The following POLR1B variants were observed in gnomAD, a reference collection of about 807,000 sequenced individuals.
POLR1B encodes the protein RNA polymerase I subunit B.
Under a neutral mutation model 105.8 loss-of-function variants are expected in POLR1B, and 30 were observed. The observed-to-expected ratio is 0.28, with a 90% CI of 0.21 to 0.38. The LOEUF (loss-of-function observed/expected upper bound fraction) is 0.38. POLR1B is among the 10% of genes least tolerant of loss of function. The pLI is 1.00. For missense variants in POLR1B, 976 were observed against 1,435.8 expected, an observed-to-expected ratio of 0.68 and a Z score of 5.17; for synonymous variants, 485 against 505.1, an observed-to-expected ratio of 0.96 and a Z score of 0.53.
chr2:112,546,544 C>CTTGTTT (rs1683053843), intron 1 of POLR1B, among the ~76,000 whole-genome samples: 1 of 53,158 alleles, frequency 1.9e-5, no homozygotes, highest in Non-Finnish European at 3.1e-5. Context: ...CTGGAGGTAG[C>CTTGTTT]TTTTTTTTTT....
intron 7 of POLR1B, among the ~76,000 whole-genome samples, chr2:112,557,457 T>C (rs1228728759): frequency 6.6e-6 from 1 of 152,246 alleles, no homozygotes; most frequent in Non-Finnish European, 1.5e-5. Context: ...AGAGCTATCC[T>C]TTCTGCACCT....
At chr2:112,567,088 C>G (rs774273810) in intron 10 of POLR1B, among the ~76,000 whole-genome samples, 4 of 152,050 alleles carry the variant, frequency 2.6e-5, no homozygotes, top group Non-Finnish European at 5.9e-5. Flanking sequence ...AAGATCTGCT[C>G]TCTTAGTAAA....
chr2:112,556,280 G>T lies in POLR1B; in HGVS notation c.1159-1630G>T, dbSNP rs1239678264. On this transcript the variant is annotated intron_variant, in intron 7 of 14. Transcript: ENST00000263331. ...CAAACCTACATTAATACCCTTGTTG[G>T]GTGAGCTAACAGCTTCCTTCACTCC... 2.0e-5 allele frequency among the ~76,000 whole-genome samples: 3 copies of T among 152,272 alleles called. No homozygotes were observed. In the East Asian group the frequency reaches 5.8e-4, roughly 29 times the overall value.
chr2:112,562,201 TATTA>T (rs1248191154), intron 9 of POLR1B, among the ~76,000 whole-genome samples: 1 of 152,182 alleles, frequency 6.6e-6, no homozygotes, highest in Non-Finnish European at 1.5e-5. Flanking sequence ...GCATCCCCAG[TATTA>T]ATTTTGTGGT....
Position 112,560,865 on chromosome 2 carries a change from T to C in POLR1B, c.1612+1291T>C, listed in dbSNP as rs375548288. ...TGCGGTCAGGAGTTTAAGACCAACC[T>C]GGCCAACATGGTGAAACCCCATCTC... On this transcript the variant is annotated intron_variant, in intron 9 of 14. Transcript: ENST00000263331. 2.3e-4 allele frequency among the ~76,000 whole-genome samples: 35 copies of C among 152,272 alleles called. No homozygotes were observed. In the East Asian group the frequency reaches 6.6e-3, roughly 29 times the overall value.
At chr2:112,551,748 A>C (rs1311623642) in intron 5 of POLR1B, 27 bp from the exon 6 acceptor site, 1 of 1,553,208 alleles carries the variant, frequency 6.4e-7, no homozygotes. Flanking sequence ...ATTAGTGAGC[A>C]ATTAAACCTT....
At position 112,575,477 on chromosome 2, in the gene POLR1B, T is replaced by C; in HGVS notation, c.3156T>C (p.Phe1052=). Residue 1052 remains phenylalanine, a synonymous_variant, in exon 15 of 15, where the codon TTT becomes TTC. Transcript: ENST00000263331. The surrounding 1 kb of genome is among the most constrained non-coding windows in gnomAD (Gnocchi z 5.3). ...RDALLAHGTS[F]LLHDRLFNCS... is the part of the protein sequence containing the mutation. ...CGCTTTTAGCTCATGGTACATCTTT[T>C]CTCCTTCATGACCGCCTCTTCAACT... The C allele has an allele frequency of 6.2e-7, 1 of 1,614,142 alleles. No individual in the cohort carries two copies. Among genetic ancestry groups the C allele is most frequent in the Non-Finnish European group, 8.5e-7 (1 of 1,180,026 alleles).
rs190064524 is a variant in POLR1B, at chr2:112,561,200, T to C, written c.1612+1626T>C. On this transcript the variant is annotated intron_variant, in intron 9 of 14. Transcript: ENST00000263331. ...TCTACGAGGAAAAGAATTTTGTTAC[T>C]CGTGATTCAAAATGTCAAAGTCCAG... 5.3e-5 allele frequency among the ~76,000 whole-genome samples: 8 copies of C among 152,284 alleles called. No individual in the cohort carries two copies. In the East Asian group the frequency reaches 1.5e-3, roughly 29 times the overall value.
At position 112,572,558 on chromosome 2, in the gene POLR1B, G is replaced by T; in HGVS notation, c.2075-4G>T. 1 of 1,556,702 alleles carries T rather than the reference G, an allele frequency of 6.4e-7. No individual in the cohort carries two copies. Among genetic ancestry groups the T allele is most frequent in the South Asian group, 1.2e-5 (1 of 82,958 alleles). On this transcript the variant is annotated splice_region_variant and splice_polypyrimidine_tract_variant and intron_variant, in intron 12 of 14. Transcript: ENST00000263331. ...AAATGCTAAGATGTTTTTTCTCCAT[G>T]TAGGTAAGCAAACTATGGGCTTTCC...
intron 12 of POLR1B, 119 bp from the exon 13 acceptor site, chr2:112,572,443 T>C: frequency 1.4e-6 from 1 of 695,002 alleles, no homozygotes; most frequent in South Asian, 2.7e-5. Flanking sequence ...ATAACTACCA[T>C]GACTATTTAT....
intron 3 of POLR1B, among the ~76,000 whole-genome samples, chr2:112,548,744 C>T (rs1272870131): frequency 6.6e-6 from 1 of 152,078 alleles, no homozygotes; most frequent in Non-Finnish European, 1.5e-5. Context: ...TCCCGAGTAG[C>T]TGGGACTACA....
intron 2 of POLR1B, 33 bp from the exon 3 acceptor site, chr2:112,547,388 T>TG (rs761172413): frequency 6.2e-7 from 1 of 1,600,362 alleles, no homozygotes; most frequent in Non-Finnish European, 8.5e-7. Context: ...CAGATATTTC[T>TG]GTTAAGTAAC....
At chr2:112,543,963 T>G (rs1682903501) in intron 1 of POLR1B, among the ~76,000 whole-genome samples, 1 of 151,188 alleles carries the variant, frequency 6.6e-6, no homozygotes, top group Non-Finnish European at 1.5e-5. Context: ...CGCACCCAAG[T>G]AGCTGGTCCC....
intron 13 of POLR1B, 60 bp from the exon 14 acceptor site, chr2:112,573,502 A>G: frequency 1.3e-6 from 2 of 1,547,432 alleles, no homozygotes; most frequent in Middle Eastern, 3.5e-4. Context: ...AGTCCCACCT[A>G]GTTTTATTTT....
rs1221862296 is a variant in POLR1B at position 112,551,019 on chromosome 2, G to A, written c.762+17G>A. On this transcript the variant is annotated intron_variant, in intron 5 of 14. Transcript: ENST00000263331. ...GCACTTAAGGTATGACTTAATGAAT[G>A]CATTCTTTTGTTATGAAGAAATTCA... is the stretch of plus-strand genomic sequence containing the variant. The A allele has an allele frequency of 6.2e-7, 1 of 1,607,984 alleles. No homozygotes were observed. Among genetic ancestry groups the A allele is most frequent in the Admixed American group, 1.7e-5 (1 of 59,974 alleles).
At chr2:112,561,464 C>CTT (rs11362371) in intron 9 of POLR1B, among the ~76,000 whole-genome samples, 1 of 149,780 alleles carries the variant, frequency 6.7e-6, no homozygotes, top group African/African-American at 2.5e-5. Flanking sequence ...GAAGAGTGTT[C>CTT]TTTTTTTTTT....
intron 7 of POLR1B, among the ~76,000 whole-genome samples, chr2:112,555,282 T>A (rs1338717160): frequency 6.6e-6 from 1 of 151,676 alleles, no homozygotes; most frequent in African/African-American, 2.4e-5. Flanking sequence ...AAGGCTGCAA[T>A]AAGGGGTGAT....
rs1377612371 is a variant in POLR1B at position 112,550,853 on chromosome 2, T to C, written c.626-13T>C. 1 of 1,611,050 alleles carries C rather than the reference T, an allele frequency of 6.2e-7. No homozygotes were observed. The highest frequency in any genetic ancestry group is 8.5e-7 in the Non-Finnish European group (1 of 1,178,774). On this transcript the variant is annotated splice_polypyrimidine_tract_variant and intron_variant, in intron 4 of 14. Transcript: ENST00000263331. ...CAATGAGTTTCTGATTTTTTTGTTGTTTGGTTCAATAGGAGTTTCAATGCA... is the reference window on the plus strand; with the variant it reads ...CAATGAGTTTCTGATTTTTTTGTTGCTTGGTTCAATAGGAGTTTCAATGCA...
At chr2:112,548,559 A>G (rs1375313051) in intron 3 of POLR1B, among the ~76,000 whole-genome samples, 1 of 152,026 alleles carries the variant, frequency 6.6e-6, no homozygotes, top group Non-Finnish European at 1.5e-5. Flanking sequence ...AAGTTTTTGA[A>G]CGTATTTGGG....
Sources: gnomAD v4.1 joint callset for allele counts (sites outside exome capture counted in the v4.1 genomes callset) on GRCh38, gnomAD v4.1.1 for gene constraint, Gnocchi (gnomAD v3.1) non-coding constraint, MANE v1.5 for transcripts, NCBI Gene and HGNC (gene_info 2026-07-23, HGNC 2026-07-21) for gene names.